PPP1R42: variants seen among roughly 807,000 people sequenced by gnomAD.
The protein encoded by PPP1R42 is leucine rich repeat containing 67.
In PPP1R42, 34 loss-of-function variants were observed where a neutral mutation model predicts 31.0. That is an observed-to-expected ratio of 1.10 (90% CI 0.83 to 1.46). The LOEUF (loss-of-function observed/expected upper bound fraction) is 1.46, where lower values mean the gene tolerates loss of function less well. Among genes scored for constraint, PPP1R42 ranks in the 40% most tolerant of loss-of-function variants. PPP1R42 has a pLI of 0.00. For missense variants in PPP1R42, 268 were observed against 303.0 expected (o/e 0.88, Z 0.86); for synonymous variants, 103 against 109.8 (o/e 0.94, Z 0.39).
intron 5 of PPP1R42, among the ~76,000 whole-genome samples, chr8:66,990,442 T>G (rs1244737131): frequency 6.6e-6 from 1 of 152,234 alleles, no homozygotes; most frequent in Non-Finnish European, 1.5e-5. Context: ...TACGCTCTGG[T>G]TGTTCATTGC....
intron 6 of PPP1R42, chr8:66,985,154 C>T (rs1814966674): frequency 3.5e-6 from 4 of 1,144,298 alleles, no homozygotes. Context: ...TTTTGAGCTG[C>T]TTGTGAAATC....
At position 66,988,520 on chromosome 8, in the gene PPP1R42, A is replaced by G. The variant is rs770637765; in HGVS notation, c.553-3T>C. ...TTGTTCAGTAAAAACTCCAAATCCT[A>G]TAATTAGAGAAGAAAAAGCAAAGCA... On this transcript the variant is annotated splice_region_variant and splice_polypyrimidine_tract_variant and intron_variant, in intron 5 of 7. Coordinates refer to ENST00000685739, the MANE Select transcript of PPP1R42 (RefSeq NM_001364910.1). 4 of 1,594,576 alleles carry G rather than the reference A, an allele frequency of 2.5e-6. No individual in the cohort carries two copies. The highest frequency in any genetic ancestry group is 2.2e-5 in the East Asian group (1 of 44,580).
chr8:67,015,279 A>G (rs1377229271), intron 2 of PPP1R42, among the ~76,000 whole-genome samples: 2 of 152,174 alleles, frequency 1.3e-5, no homozygotes, highest in African/African-American at 4.8e-5. Flanking sequence ...GGCCTCCCAA[A>G]GTGCTGGGAT....
intron 1 of PPP1R42, among the ~76,000 whole-genome samples, chr8:67,028,284 A>G (rs1816464105): frequency 6.6e-6 from 1 of 152,054 alleles, no homozygotes; most frequent in Non-Finnish European, 1.5e-5. Flanking sequence ...CCTCCTCTAG[A>G]GCTGTTTCAC....
At chr8:66,984,609 C>A in intron 6 of PPP1R42, 1 of 1,193,258 alleles carries the variant, frequency 8.4e-7, no homozygotes, top group Non-Finnish European at 1.3e-6. Flanking sequence ...GATACGTGTA[C>A]CCCCTGTGAA....
chr8:66,978,174 A>C (rs934080878), intron 7 of PPP1R42, among the ~76,000 whole-genome samples: 1 of 152,200 alleles, frequency 6.6e-6, no homozygotes, highest in Admixed American at 6.5e-5. Flanking sequence ...GGGAGGCCTC[A>C]CAATCATGGC....
chr8:66,979,170 G>A (rs1486815742), intron 7 of PPP1R42, among the ~76,000 whole-genome samples: 2 of 152,068 alleles, frequency 1.3e-5, no homozygotes, highest in African/African-American at 4.8e-5. Flanking sequence ...TCTTCTAGTA[G>A]TTTTATAGTT....
intron 7 of PPP1R42, among the ~76,000 whole-genome samples, chr8:66,981,611 C>A (rs1814839493): frequency 6.6e-6 from 1 of 151,988 alleles, no homozygotes; most frequent in Admixed American, 6.5e-5. Flanking sequence ...GAACTCCTGA[C>A]CTCAGGTGAT....
intron 5 of PPP1R42, among the ~76,000 whole-genome samples, chr8:67,002,211 T>TA (rs1416587390): frequency 1.3e-5 from 2 of 152,020 alleles, no homozygotes; most frequent in African/African-American, 4.8e-5. Context: ...TCTATATATA[T>TA]TTTTTTACAT....
At chr8:67,020,224 T>A (rs937497166) in intron 1 of PPP1R42, among the ~76,000 whole-genome samples, 1 of 152,126 alleles carries the variant, frequency 6.6e-6, no homozygotes, top group African/African-American at 2.4e-5. Flanking sequence ...TTTTTTGATA[T>A]GAAGTCTTGC....
intron 6 of PPP1R42, chr8:66,985,073 G>T: frequency 1.5e-6 from 2 of 1,347,404 alleles, no homozygotes; most frequent in South Asian, 2.3e-5. Context: ...TCAATTTCAG[G>T]GATATCTCCT....
chr8:67,012,871 G>T, intron 4 of PPP1R42, 87 bp downstream of exon 4: 1 of 1,289,172 alleles, frequency 7.8e-7, no homozygotes, highest in Non-Finnish European at 1.0e-6. Flanking sequence ...GATGTACAAT[G>T]TCCAAATATA....
At chr8:67,026,576 C>T (rs1359218343) in intron 1 of PPP1R42, among the ~76,000 whole-genome samples, 1 of 151,332 alleles carries the variant, frequency 6.6e-6, no homozygotes, top group Non-Finnish European at 1.5e-5. Context: ...TGGCTCACAC[C>T]TGTAGTCCCA....
At chr8:67,018,398 G>A (rs553440958) in intron 1 of PPP1R42, among the ~76,000 whole-genome samples, 3 of 151,938 alleles carry the variant, frequency 2.0e-5, no homozygotes, top group African/African-American at 4.8e-5. Context: ...GATTACAGGC[G>A]TGAGCCACCG....
rs1814611984 is a variant in PPP1R42 at position 66,974,255 on chromosome 8, T to G, written c.802+7794A>C. ...CACATCCTCTGTAACACGTGTTGCCTTTTTTAAAATAATAGCCATCTGGGC... is the reference window on the plus strand; with the variant it reads ...CACATCCTCTGTAACACGTGTTGCCGTTTTTAAAATAATAGCCATCTGGGC... On this transcript the variant is annotated intron_variant, in intron 7 of 7. Coordinates refer to ENST00000685739, the MANE Select transcript of PPP1R42 (RefSeq NM_001364910.1). Among the ~76,000 whole-genome samples the G allele has an allele frequency of 5.3e-5, 8 of 152,130 alleles. No homozygotes were observed. The South Asian group carries it at 1.7e-3, about 32-fold the overall frequency.
At chr8:67,023,657 C>G (rs1050881935) in intron 1 of PPP1R42, among the ~76,000 whole-genome samples, 1 of 151,872 alleles carries the variant, frequency 6.6e-6, no homozygotes, top group African/African-American at 2.4e-5. Flanking sequence ...CCTTTTATCT[C>G]TTTTTTTTCT....
chr8:67,005,487 T>A (rs1815644173), intron 5 of PPP1R42, among the ~76,000 whole-genome samples: 1 of 152,176 alleles, frequency 6.6e-6, no homozygotes, highest in East Asian at 1.9e-4. Flanking sequence ...TTTCCAATCT[T>A]ACTTCTCCCT....
chr8:67,012,777 A>T, intron 4 of PPP1R42, 181 bp downstream of exon 4: 1 of 448,668 alleles, frequency 2.2e-6, no homozygotes, highest in African/African-American at 2.0e-5. Flanking sequence ...CCACTTTATA[A>T]ATGCTGAGTC....
intron 7 of PPP1R42, among the ~76,000 whole-genome samples, chr8:66,965,531 G>A (rs1424536533): frequency 6.6e-6 from 1 of 151,354 alleles, no homozygotes. Context: ...TGAACTCCGG[G>A]GATCAAGTGA....
Sources: gnomAD v4.1 joint callset for allele counts (sites outside exome capture counted in the v4.1 genomes callset) on GRCh38, gnomAD v4.1.1 for gene constraint, MANE v1.5 for transcripts, NCBI Gene and HGNC (gene_info 2026-07-23, HGNC 2026-07-21) for gene names.